USP34: variants seen among roughly 807,000 people sequenced by gnomAD.
The protein encoded by USP34 is ubiquitin carboxyl-terminal hydrolase 34.
USP34 carries 70 observed loss-of-function variants against 460.3 expected under a neutral mutation model. That is an observed-to-expected ratio of 0.15 (90% CI 0.13 to 0.19). The LOEUF (loss-of-function observed/expected upper bound fraction) is 0.19. Among genes scored for constraint, USP34 ranks in the 10% least tolerant of loss-of-function variants. USP34 has a pLI of 1.00. For synonymous variants in USP34, 1,647 were observed against 1,405.3 expected, an observed-to-expected ratio of 1.17 and a Z score of -3.85; for missense variants, 3,985 against 4,236.2, an observed-to-expected ratio of 0.94 and a Z score of 1.65.
intron 43 of USP34, among the ~76,000 whole-genome samples, chr2:61,263,404 C>T (rs1032530431): frequency 6.6e-6 from 1 of 151,824 alleles, no homozygotes; most frequent in African/African-American, 2.4e-5. Context: ...TGGTCTCAGA[C>T]TCCTGACCTC....
chr2:61,207,098 G>A (rs945947645), intron 70 of USP34: 1 of 474,766 alleles, frequency 2.1e-6, no homozygotes. Flanking sequence ...GCTATTTTGT[G>A]TGTATATTCT....
intron 1 of USP34, among the ~76,000 whole-genome samples, chr2:61,458,931 T>C (rs555258867): frequency 1.3e-5 from 2 of 151,910 alleles, no homozygotes; most frequent in South Asian, 2.1e-4. Context: ...CCGGGCACAG[T>C]GGTGGGCGCC....
chr2:61,237,534 T>C (rs1181535401), intron 53 of USP34, among the ~76,000 whole-genome samples: 1 of 150,922 alleles, frequency 6.6e-6, no homozygotes, highest in Non-Finnish European at 1.5e-5. Flanking sequence ...TCTATGTATG[T>C]GTATAGCTAT....
intron 43 of USP34, 93 bp from the exon 44 acceptor site, chr2:61,259,869 T>G (rs1688826061): frequency 9.1e-7 from 1 of 1,095,564 alleles, no homozygotes. Flanking sequence ...GTACACTGTA[T>G]CTGTTTTCAT....
At chr2:61,267,546 G>A (rs565191798) in intron 41 of USP34, among the ~76,000 whole-genome samples, 14 of 151,568 alleles carry the variant, frequency 9.2e-5, no homozygotes, top group South Asian at 2.1e-4. Flanking sequence ...AGGTTCGAGC[G>A]ATTCTCCTGC....
At chr2:61,196,068 G>GTTTTTTT (rs1558460264) in intron 75 of USP34, among the ~76,000 whole-genome samples, 5 of 47,032 alleles carry the variant, frequency 1.1e-4, no homozygotes, top group Non-Finnish European at 1.7e-4. Context: ...CACCATGCAC[G>GTTTTTTT]ATTTTTTTTT....
intron 25 of USP34, among the ~76,000 whole-genome samples, chr2:61,312,128 C>T (rs996499741): frequency 2.0e-5 from 3 of 147,668 alleles, no homozygotes; most frequent in Non-Finnish European, 3.0e-5. Context: ...ATAGTCACCA[C>T]GAGAAATTAC....
chr2:61,256,599 A>T (rs1688730971), intron 47 of USP34, 121 bp from the exon 48 acceptor site: 1 of 719,074 alleles, frequency 1.4e-6, no homozygotes, highest in Non-Finnish European at 2.1e-6. Context: ...TTAAAAGTGA[A>T]TTCTTAAATT....
In USP34 at chr2:61,317,573, T is replaced by C. The variant is rs1690790349; in HGVS notation, c.3282+81A>G. The C allele has an allele frequency of 5.6e-6, 7 of 1,254,874 alleles. No individual in the cohort carries two copies. In the South Asian group the frequency reaches 8.0e-5, roughly 14 times the overall value. 77.7% of individuals were successfully genotyped at this position (1,254,874 alleles called of 1,614,324 possible). Reference sequence around the variant, plus strand: ...CACAGGTAGTAAATTCTATACTTTGTAGAAAAATAATTTGGAAACCGAATT... The same window carrying C: ...CACAGGTAGTAAATTCTATACTTTGCAGAAAAATAATTTGGAAACCGAATT... On this transcript the variant is annotated intron_variant, in intron 23 of 79. Coordinates refer to ENST00000398571, the MANE Select transcript of USP34 (RefSeq NM_014709.4).
At chr2:61,304,711 T>C (rs1389411431) in intron 27 of USP34, among the ~76,000 whole-genome samples, 2 of 152,340 alleles carry the variant, frequency 1.3e-5, no homozygotes, top group East Asian at 3.9e-4. Context: ...TAAATTTCTT[T>C]TGTTTATAAG....
rs71403400 is a variant in USP34, at chr2:61,237,554, A to ATTT, written c.6778-1168_6778-1166dup. 7.1e-4 allele frequency among the ~76,000 whole-genome samples: 32 copies of ATTT among 45,146 alleles called. 2 individuals are homozygous for ATTT. Among genetic ancestry groups the ATTT allele is most frequent in the Admixed American group, 1.3e-3 (4 of 3,142 alleles). 29.6% of individuals were successfully genotyped at this position (45,146 alleles called of 152,430 possible). ...GTATGTGTATAGCTATTTTCTGTGGATTTTTTTTTTTTTTTTTTTTTTTTT... is the reference window on the plus strand; with the variant it reads ...GTATGTGTATAGCTATTTTCTGTGGATTTTTTTTTTTTTTTTTTTTTTTTTTTT... On this transcript the variant is annotated intron_variant, in intron 53 of 79. Transcript: ENST00000398571.
chr2:61,271,773 A>C (rs937573292), intron 41 of USP34, among the ~76,000 whole-genome samples: 19 of 152,228 alleles, frequency 1.2e-4, no homozygotes, highest in Admixed American at 2.6e-4. Flanking sequence ...ATGCAGCTGC[A>C]AAGTGTAAAA....
In USP34 at chr2:61,245,723, A is replaced by T. The variant is rs372356388; in HGVS notation, c.6549-435T>A. ...CCTGATGGGTGAAGGAGTGAAAAAT[A>T]ACTCAATGAAATTATTCTGCTAACT... is the stretch of plus-strand genomic sequence containing the variant. On this transcript the variant is annotated intron_variant, in intron 50 of 79. Coordinates refer to ENST00000398571, the MANE Select transcript of USP34 (RefSeq NM_014709.4). Among the ~76,000 whole-genome samples the T allele has an allele frequency of 6.6e-5, 10 of 152,228 alleles. No homozygotes were observed. In the East Asian group the frequency reaches 1.2e-3, roughly 18 times the overall value.
chr2:61,426,483 C>A (rs377176513), intron 1 of USP34, among the ~76,000 whole-genome samples: 1 of 151,926 alleles, frequency 6.6e-6, no homozygotes, highest in African/African-American at 2.4e-5. Flanking sequence ...CTGGGGGTGG[C>A]GGTGGCTACG....
At chr2:61,210,006 T>C (rs1285192854) in intron 69 of USP34, among the ~76,000 whole-genome samples, 5 of 152,094 alleles carry the variant, frequency 3.3e-5, no homozygotes, top group Non-Finnish European at 7.3e-5. Flanking sequence ...AGCTATAAAA[T>C]GTGTGTTTTA....
intron 58 of USP34, 115 bp from the exon 59 acceptor site, chr2:61,229,748 T>A: frequency 1.2e-6 from 1 of 843,380 alleles, no homozygotes; most frequent in Non-Finnish European, 1.8e-6. Context: ...CAAGATTATC[T>A]TGGTATTCTG....
At chr2:61,259,679 C>G (rs1218868982) in intron 44 of USP34, 32 bp downstream of exon 44, 2 of 1,602,978 alleles carry the variant, frequency 1.2e-6, no homozygotes, top group Non-Finnish European at 1.7e-6. Flanking sequence ...AGCCACAGTG[C>G]CTGGCCTAGC....
intron 1 of USP34, among the ~76,000 whole-genome samples, chr2:61,447,612 TAAG>T (rs1428076916): frequency 2.0e-5 from 3 of 152,206 alleles, no homozygotes; most frequent in East Asian, 1.9e-4. Context: ...CTTACTGCAC[TAAG>T]GAGAGAAGAA....
In USP34 at chr2:61,295,215, T is replaced by C. The variant is rs1408839584; in HGVS notation, c.4330A>G (p.Ile1444Val). 6.2e-7 allele frequency: 1 copy of C among 1,612,400 alleles called. No individual in the cohort carries two copies. Among genetic ancestry groups the C allele is most frequent in the Non-Finnish European group, 8.5e-7 (1 of 1,179,452 alleles). Residue 1444 changes from isoleucine (I) to valine (V), a missense_variant, in exon 31 of 80, where the codon ATT (isoleucine) becomes GTT (valine). Physicochemically the swap from Ile to Val is conservative, Grantham distance 29. Transcript: ENST00000398571. The stretch of plus-strand genomic sequence containing the variant: ...CTATTAGGTTTTCCCAGTGCTTCAA[T>C]AATTTCCAGAGCATACAATAGCTTG... The part of the protein sequence containing the change: ...AHKLLYALEI[I>V]EALGKPNRRI...
Sources: gnomAD v4.1 joint callset for allele counts (sites outside exome capture counted in the v4.1 genomes callset) on GRCh38, gnomAD v4.1.1 for gene constraint, MANE v1.5 for transcripts, NCBI Gene and HGNC (gene_info 2026-07-23, HGNC 2026-07-21) for gene names.